Variants in DNAH14 observed in about 807,000 individuals in gnomAD.
The protein encoded by DNAH14 is dynein axonemal heavy chain 14.
In DNAH14, 478 loss-of-function variants were observed where a neutral mutation model predicts 520.9. The ratio of observed to expected loss-of-function variants is 0.92; its 90% CI spans 0.85 to 0.99. DNAH14 has a LOEUF of 0.99. Ranked by LOEUF, DNAH14 falls within the 50% of genes least tolerant of loss-of-function variation. The pLI, the probability that DNAH14 is intolerant of heterozygous loss-of-function variation, is 0.00. For missense variants in DNAH14, 4,831 were observed against 5,234.5 expected (o/e 0.92, Z 2.38); for synonymous variants, 1,581 against 1,757.2 (o/e 0.90, Z 2.51).
At chr1:225,367,314 T>A (rs1273640616) in intron 76 of DNAH14, among the ~76,000 whole-genome samples, 3 of 152,178 alleles carry the variant, frequency 2.0e-5, no homozygotes, top group African/African-American at 7.2e-5. Flanking sequence ...AGAAATTTTG[T>A]AACACACCCA....
intron 49 of DNAH14, among the ~76,000 whole-genome samples, chr1:225,268,607 GC>G (rs2093204924): frequency 6.6e-6 from 1 of 152,196 alleles, no homozygotes; most frequent in African/African-American, 2.4e-5. Flanking sequence ...ATCTCCTTAA[GC>G]TGATAAGCAA....
At chr1:225,274,959 A>G (rs1370754888) in intron 52 of DNAH14, among the ~76,000 whole-genome samples, 1 of 152,210 alleles carries the variant, frequency 6.6e-6, no homozygotes. Context: ...CTCACTTTAC[A>G]TATCATTATT....
At chr1:225,193,442 C>T (rs1166559225) in intron 38 of DNAH14, among the ~76,000 whole-genome samples, 1 of 152,094 alleles carries the variant, frequency 6.6e-6, no homozygotes, top group Non-Finnish European at 1.5e-5. Context: ...GTAATCCCAG[C>T]TCCTCTGGAG....
intron 10 of DNAH14, among the ~76,000 whole-genome samples, chr1:225,022,549 TA>T (rs1160946799): frequency 1.3e-5 from 2 of 152,144 alleles, no homozygotes; most frequent in Non-Finnish European, 2.9e-5. Flanking sequence ...CAAAATGAGT[TA>T]ACATCTTACA....
chr1:225,392,155 C>A, intron 83 of DNAH14, 136 bp from the exon 84 acceptor site: 1 of 1,132,538 alleles, frequency 8.8e-7, no homozygotes, highest in Non-Finnish European at 1.2e-6. Flanking sequence ...CCTCTGCTCC[C>A]GCCCAGCCCA....
intron 60 of DNAH14, among the ~76,000 whole-genome samples, chr1:225,311,296 G>C (rs541521494): frequency 6.6e-6 from 1 of 151,980 alleles, no homozygotes; most frequent in Non-Finnish European, 1.5e-5. Flanking sequence ...TGATGAGGTC[G>C]TTTGTTTTTT....
chr1:225,252,758 GA>G, intron 44 of DNAH14, among the ~76,000 whole-genome samples: 1 of 152,086 alleles, frequency 6.6e-6, no homozygotes, highest in East Asian at 1.9e-4. Context: ...TGTAAAATGT[GA>G]AAAACATATA....
chr1:225,006,431 A>G lies in DNAH14; in HGVS notation c.976-982A>G, dbSNP rs2064174195. On this transcript the variant is annotated intron_variant, in intron 9 of 85. Transcript: ENST00000682510. ...ATATTTCTCTTCTTGCAGAGAGTGA[A>G]TAGGAGAAATATCGCTGAATTCTTT... Among the ~76,000 whole-genome samples the G allele has an allele frequency of 2.6e-5, 4 of 152,148 alleles. No homozygotes were observed. In the South Asian group the frequency reaches 8.3e-4, roughly 32 times the overall value.
At chr1:225,293,064 T>A (rs1373890541) in intron 55 of DNAH14, among the ~76,000 whole-genome samples, 1 of 152,158 alleles carries the variant, frequency 6.6e-6, no homozygotes, top group Non-Finnish European at 1.5e-5. Context: ...AACAATTATA[T>A]GTTAAAAAGC....
At chr1:224,988,135 T>C (rs1266086216) in intron 8 of DNAH14, among the ~76,000 whole-genome samples, 6 of 152,162 alleles carry the variant, frequency 3.9e-5, no homozygotes, top group African/African-American at 1.4e-4. Flanking sequence ...CTCCCACTTA[T>C]AAGTGAGAAT....
At chr1:225,278,035 G>A (rs2093533040) in intron 54 of DNAH14, among the ~76,000 whole-genome samples, 3 of 151,652 alleles carry the variant, frequency 2.0e-5, no homozygotes, top group African/African-American at 7.3e-5. Context: ...TAACTGTTTG[G>A]TTAATTTGTG....
At chr1:224,971,472 T>G (rs1027672098) in intron 7 of DNAH14, among the ~76,000 whole-genome samples, 4 of 152,178 alleles carry the variant, frequency 2.6e-5, no homozygotes, top group Non-Finnish European at 4.4e-5. Flanking sequence ...GATAGAACTG[T>G]GAAAAAATAT....
intron 8 of DNAH14, among the ~76,000 whole-genome samples, chr1:224,976,448 C>T (rs75625634): frequency 0.053 from 8,003 of 152,166 alleles, 315 homozygotes; most frequent in Non-Finnish European, 0.078. Context: ...ATGTCTAAAA[C>T]ACCAAAAGTA....
chr1:225,302,043 A>T (rs549792525), intron 56 of DNAH14, among the ~76,000 whole-genome samples: 6 of 149,680 alleles, frequency 4.0e-5, no homozygotes, highest in African/African-American at 1.5e-4. Context: ...TACTCCAGAA[A>T]ATAAATAAAT....
intron 60 of DNAH14, 36 bp downstream of exon 60, chr1:225,308,446 A>G (rs1167649765): frequency 6.7e-7 from 1 of 1,501,130 alleles, no homozygotes; most frequent in Admixed American, 2.7e-5. Flanking sequence ...AATAATTTGG[A>G]GATTTGAAAA....
At chr1:225,323,684 A>G (rs1267786138) in intron 62 of DNAH14, among the ~76,000 whole-genome samples, 15 of 152,088 alleles carry the variant, frequency 9.9e-5, no homozygotes, top group Admixed American at 9.8e-4. Flanking sequence ...GCTGGTCTTG[A>G]ACTCCTGACC....
intron 49 of DNAH14, 79 bp from the exon 50 acceptor site, chr1:225,270,656 A>G (rs2093288559): frequency 8.0e-7 from 1 of 1,253,154 alleles, no homozygotes; most frequent in Non-Finnish European, 1.1e-6. Context: ...GTTTTGTCCA[A>G]TTTGGGACAG....
intron 8 of DNAH14, among the ~76,000 whole-genome samples, chr1:224,992,288 T>G (rs12564776): frequency 0.055 from 8,381 of 152,254 alleles, 473 homozygotes; most frequent in East Asian, 0.24. Context: ...ATTAGTATTT[T>G]GATGGCAATT....
At chr1:225,204,387 G>A (rs2087261323) in intron 39 of DNAH14, 114 bp downstream of exon 39, 3 of 608,840 alleles carry the variant, frequency 4.9e-6, no homozygotes, top group South Asian at 2.6e-5. Context: ...TTTTGTTCCT[G>A]TACCATTTAT....
Sources: gnomAD v4.1 joint callset for allele counts (sites outside exome capture counted in the v4.1 genomes callset) on GRCh38, gnomAD v4.1.1 for gene constraint, MANE v1.5 for transcripts, NCBI Gene and HGNC (gene_info 2026-07-23, HGNC 2026-07-21) for gene names.